The following CHSY1 variants were observed in gnomAD, a reference collection of about 807,000 sequenced individuals.
The protein encoded by CHSY1 is chondroitin sulfate synthase 1, also known as N-acetylgalactosaminyl-proteoglycan 3-beta-glucuronosyltransferase 1.
A neutral mutation model predicts 59.8 loss-of-function variants in CHSY1; 13 were observed. The observed-to-expected ratio is 0.22, with a 90% CI of 0.14 to 0.35. The LOEUF (loss-of-function observed/expected upper bound fraction) is 0.35, where lower values mean the gene tolerates loss of function less well. CHSY1 is among the 10% of genes least tolerant of loss of function. The probability of loss-of-function intolerance (pLI) is 1.00; values close to 1 mark genes in which losing one functional copy is unlikely to be tolerated. For missense variants in CHSY1, 947 were observed against 1,030.6 expected (o/e 0.92, Z 1.11); for synonymous variants, 459 against 401.2 (o/e 1.14, Z -1.72).
intron 1 of CHSY1, among the ~76,000 whole-genome samples, chr15:101,238,146 A>T (rs1034857684): frequency 1.6e-4 from 25 of 151,864 alleles, no homozygotes; most frequent in African/African-American, 3.9e-4. Context: ...GTTTTTTTTA[A>T]AAAAAATTGT....
rs1699990043 is a variant in CHSY1, at chr15:101,251,367, C to A, written c.90G>T (p.Arg30=). 2 of 1,161,350 alleles carry A rather than the reference C, an allele frequency of 1.7e-6. No homozygotes were observed. Among genetic ancestry groups the A allele is most frequent in the Non-Finnish European group, 2.2e-6 (2 of 923,882 alleles). The allele number at this position is 1,161,350 out of a possible 1,614,324, so 71.9% of individuals were successfully genotyped here. Residue 30 remains arginine, a synonymous_variant, in exon 1 of 3, where the codon CGG becomes CGT. Coordinates refer to ENST00000254190, the MANE Select transcript of CHSY1 (RefSeq NM_014918.5). ...FVLASRLVLP[R]ASELKRAGPR... is the part of the protein sequence containing the mutation. ...GGCCCGCTCGCTTCAGCTCGGAAGC[C>A]CGGGGCAGGACGAGCCGCGAGGCCA...
At chr15:101,222,373 T>C (rs577097999) in intron 2 of CHSY1, among the ~76,000 whole-genome samples, 2 of 152,322 alleles carry the variant, frequency 1.3e-5, no homozygotes, top group South Asian at 4.1e-4. Flanking sequence ...TAAAGAAGAA[T>C]TGTAAAGATG....
chr15:101,203,673 A>G (rs1420115912), intron 2 of CHSY1, among the ~76,000 whole-genome samples: 1 of 152,208 alleles, frequency 6.6e-6, no homozygotes, highest in African/African-American at 2.4e-5. Flanking sequence ...ATCAAAGTTA[A>G]CACTGCCTGT....
At chr15:101,185,953 C>A (rs1323648249) in intron 2 of CHSY1, among the ~76,000 whole-genome samples, 5 of 151,770 alleles carry the variant, frequency 3.3e-5, no homozygotes, top group Non-Finnish European at 7.4e-5. Flanking sequence ...CTGCTCACCA[C>A]CAGAATGCCA....
intron 2 of CHSY1, chr15:101,187,486 AAAAC>A (rs145366751): frequency 0.1 from 15,633 of 152,136 alleles, 1,051 homozygotes; most frequent in Middle Eastern, 0.18. Context: ...CTCAAAAAAG[AAAAC>A]AAACAAACAA....
intron 2 of CHSY1, among the ~76,000 whole-genome samples, chr15:101,196,623 T>A (rs991387981): frequency 3.9e-5 from 6 of 152,172 alleles, no homozygotes; most frequent in Non-Finnish European, 8.8e-5. Context: ...ATAAACTATA[T>A]ACACTAGGAA....
chr15:101,226,221 G>A (rs1055175593), intron 2 of CHSY1, among the ~76,000 whole-genome samples: 1 of 152,192 alleles, frequency 6.6e-6, no homozygotes, highest in Non-Finnish European at 1.5e-5. Flanking sequence ...CTCAGGGAAT[G>A]AGTTCTGAAG....
chr15:101,199,862 T>C (rs1279083486), intron 2 of CHSY1, among the ~76,000 whole-genome samples: 2 of 152,058 alleles, frequency 1.3e-5, no homozygotes, highest in Non-Finnish European at 1.5e-5. Flanking sequence ...CTCCCCAAAA[T>C]AGAACCCCCA....
chr15:101,185,998 T>C (rs1029566128), intron 2 of CHSY1, among the ~76,000 whole-genome samples: 9 of 151,890 alleles, frequency 5.9e-5, no homozygotes, highest in Non-Finnish European at 1.2e-4. Context: ...ATTTAATTAC[T>C]GAGCTCCAGG....
chr15:101,237,025 C>G (rs2141276651), intron 1 of CHSY1, among the ~76,000 whole-genome samples: 1 of 150,604 alleles, frequency 6.6e-6, no homozygotes, highest in South Asian at 2.1e-4. Context: ...CAAGACCAGC[C>G]TGGCCAACAT....
intron 2 of CHSY1, among the ~76,000 whole-genome samples, chr15:101,225,451 A>C (rs1489949318): frequency 2.0e-5 from 3 of 152,168 alleles, no homozygotes; most frequent in African/African-American, 7.2e-5. Flanking sequence ...CCCCACCCAT[A>C]TCTCATGTTG....
Position 101,207,211 on chromosome 15 carries a change from T to C in CHSY1, c.816+27871A>G, listed in dbSNP as rs540920598. Among the ~76,000 whole-genome samples the C allele has an allele frequency of 1.8e-4, 28 of 152,348 alleles. 1 individual carries two copies. In the South Asian group the frequency reaches 5.4e-3, roughly 29 times the overall value. On this transcript the variant is annotated intron_variant, in intron 2 of 2. Transcript: ENST00000254190. ...GTCAAAAGAAAAATAAGCCACTCAC[T>C]ATCCAAAATGGGAATAAAAGTCTTT...
intron 2 of CHSY1, among the ~76,000 whole-genome samples, chr15:101,193,569 C>G (rs1279203691): frequency 6.6e-6 from 1 of 152,234 alleles, no homozygotes; most frequent in Admixed American, 6.5e-5. Context: ...GCCGCAGTCA[C>G]GCTGTGTGCA....
chr15:101,244,676 T>G (rs1298137142), intron 1 of CHSY1, among the ~76,000 whole-genome samples: 1 of 152,264 alleles, frequency 6.6e-6, no homozygotes, highest in Non-Finnish European at 1.5e-5. Context: ...ACACTTTTGT[T>G]TTACTTTAAA....
Position 101,235,207 on chromosome 15 carries a change from C to A in CHSY1, c.691G>T (p.Val231Leu), listed in dbSNP as rs2038928981. 6.2e-7 allele frequency: 1 copy of A among 1,613,936 alleles called. No homozygotes were observed. The highest frequency in any genetic ancestry group is 8.5e-7 in the Non-Finnish European group (1 of 1,179,856). The change falls in exon 2 of 3, where the codon GTG becomes TTG. Residue 231 changes from valine (V) to leucine (L), a missense_variant. By Grantham distance (32) the Val-to-Leu change is conservative. Coordinates refer to ENST00000254190, the MANE Select transcript of CHSY1 (RefSeq NM_014918.5). Reference sequence around the variant, plus strand: ...ATGTGCGGCACCATTCTCCGAAGCACCTCCCGGCTCATGATCACGCCAGGC... The same window carrying A: ...ATGTGCGGCACCATTCTCCGAAGCAACTCCCGGCTCATGATCACGCCAGGC... ...GGPGVIMSRE[V>L]LRRMVPHIGK...
chr15:101,196,047 G>A (rs575974940), intron 2 of CHSY1, among the ~76,000 whole-genome samples: 1 of 151,824 alleles, frequency 6.6e-6, no homozygotes, highest in Admixed American at 6.6e-5. Context: ...TCAGGAGTTC[G>A]AGATCAGCTT....
intron 2 of CHSY1, chr15:101,186,564 G>A (rs2038368287): frequency 6.6e-6 from 1 of 152,150 alleles, no homozygotes; most frequent in African/African-American, 2.4e-5. Context: ...AGCACTTTGT[G>A]GGGCTGAGGC....
intron 2 of CHSY1, among the ~76,000 whole-genome samples, chr15:101,186,522 G>A (rs1023165174): frequency 6.6e-6 from 1 of 152,102 alleles, no homozygotes; most frequent in Non-Finnish European, 1.5e-5. Context: ...AAAATGACTG[G>A]GCTGGGCAAG....
At chr15:101,226,794 G>T (rs540082708) in intron 2 of CHSY1, among the ~76,000 whole-genome samples, 1 of 152,198 alleles carries the variant, frequency 6.6e-6, no homozygotes, top group Non-Finnish European at 1.5e-5. Flanking sequence ...TGTGAATATT[G>T]TAACTAATTG....
Sources: allele counts gnomAD v4.1 joint callset (sites outside exome capture counted in the v4.1 genomes callset), GRCh38; gene constraint gnomAD v4.1.1; transcripts MANE v1.5; gene names NCBI Gene and HGNC (gene_info 2026-07-23, HGNC 2026-07-21).